Variants in FMNL3 observed in about 807,000 individuals in gnomAD.
The protein encoded by FMNL3 is formin like 3.
Under a neutral mutation model 119.6 loss-of-function variants are expected in FMNL3, and 57 were observed. That is an observed-to-expected ratio of 0.48 (90% confidence interval 0.39 to 0.59). The LOEUF (loss-of-function observed/expected upper bound fraction) is 0.59, where lower values mean the gene tolerates loss of function less well. Ranked by LOEUF, FMNL3 falls within the 20% of genes least tolerant of loss-of-function variation. The pLI, the probability that FMNL3 is intolerant of heterozygous loss-of-function variation, is 0.00. For missense variants in FMNL3, 1,053 were observed against 1,323.5 expected (o/e 0.80, Z 3.17); for synonymous variants, 491 against 507.3 (o/e 0.97, Z 0.43).
At position 49,647,269 on chromosome 12, in the gene FMNL3, C is replaced by CA; in HGVS notation, c.2871+6dup. On this transcript the variant is annotated splice_region_variant and intron_variant, in intron 24 of 25. Coordinates refer to ENST00000335154, the MANE Select transcript of FMNL3 (RefSeq NM_175736.5). The surrounding 1 kb of genome is among the most constrained non-coding windows in gnomAD (Gnocchi z 4.9). ...TCCTCCAGGCCCCAGCTCTTGGTCC[C>CA]ACCCACCTTGGCATCCAGTTTCTTG... 1 of 1,614,040 alleles carries CA rather than the reference C, an allele frequency of 6.2e-7. No homozygotes were observed. Among genetic ancestry groups the CA allele is most frequent in the Non-Finnish European group, 8.5e-7 (1 of 1,179,996 alleles).
In FMNL3 at chr12:49,638,635, T is replaced by C. The variant is rs781778251; in HGVS notation, c.*7180A>G. The C allele has an allele frequency of 6.6e-6, 1 of 152,276 alleles. No homozygotes were observed. The highest frequency in any genetic ancestry group is 1.5e-5 in the Non-Finnish European group (1 of 68,050). The allele number at this position is 152,276 out of a possible 1,614,324, so 9.4% of individuals were successfully genotyped here. On this transcript the variant is annotated 3_prime_UTR_variant, in exon 26 of 26. Coordinates refer to ENST00000335154, the MANE Select transcript of FMNL3 (RefSeq NM_175736.5). Reference sequence around the variant, plus strand: ...AAAAAACAAAGAGCATATTTCTTTATGGAAGTGAAGATTCTAATGCATTTG... The same window carrying C: ...AAAAAACAAAGAGCATATTTCTTTACGGAAGTGAAGATTCTAATGCATTTG...
chr12:49,686,510 G>A (rs985117425), intron 1 of FMNL3, among the ~76,000 whole-genome samples: 7 of 149,822 alleles, frequency 4.7e-5, no homozygotes, highest in African/African-American at 1.5e-4. Flanking sequence ...CTCGGGAGGC[G>A]GAGCTTGCAG....
chr12:49,654,883 G>C (rs748882742), intron 10 of FMNL3, 27 bp downstream of exon 10: 10 of 1,610,542 alleles, frequency 6.2e-6, no homozygotes. Flanking sequence ...TGGTGGGTAT[G>C]TGCTGGACCC....
intron 13 of FMNL3, 168 bp from the exon 14 acceptor site, chr12:49,652,380 G>T: frequency 7.4e-7 from 1 of 1,342,946 alleles, no homozygotes; most frequent in Non-Finnish European, 9.8e-7. Flanking sequence ...CTGGAAGGCA[G>T]CAAAACAAAA....
In FMNL3 at chr12:49,651,401, C is replaced by T. The variant is rs1020639397; in HGVS notation, c.1653G>A (p.Val551=). ...PPLPGAAPSV[V]LTVGLSAIRI... is the part of the protein sequence containing the mutation. ...ACTCACCTGACAGGCCCACTGTCAA[C>T]ACCACAGAGGGTGCAGCACCAGGGA... Residue 551 remains valine (V), a synonymous_variant, in exon 15 of 26, where the codon GTG becomes GTA. Transcript: ENST00000335154. 2.8e-5 allele frequency: 44 copies of T among 1,554,094 alleles called. No homozygotes were observed. Among genetic ancestry groups the T allele is most frequent in the Non-Finnish European group, 3.4e-5 (39 of 1,143,414 alleles).
At position 49,640,254 on chromosome 12, in the gene FMNL3, C is replaced by T. The variant is rs371241907; in HGVS notation, c.*5561G>A. On this transcript the variant is annotated 3_prime_UTR_variant, in exon 26 of 26. Coordinates refer to ENST00000335154, the MANE Select transcript of FMNL3 (RefSeq NM_175736.5). ...AGGATGCTCATGAGAAATATATTCT[C>T]TTGAGATCTGTTGAATTTTAAGTGT... 1 of 152,210 alleles carries T rather than the reference C, an allele frequency of 6.6e-6. No individual in the cohort carries two copies. Among genetic ancestry groups the T allele is most frequent in the Non-Finnish European group, 1.5e-5 (1 of 68,048 alleles). 9.4% of individuals were successfully genotyped at this position (152,210 alleles called of 1,614,324 possible). A position where few individuals can be genotyped will look rare whatever the true frequency, so the allele number is the denominator to read the frequency against.
At chr12:49,706,739 A>G (rs910412588) in intron 1 of FMNL3, among the ~76,000 whole-genome samples, 2 of 152,198 alleles carry the variant, frequency 1.3e-5, no homozygotes, top group Non-Finnish European at 2.9e-5. Context: ...AGCCTGGCGA[A>G]GAAGCGGGGA....
chr12:49,649,128 T>A lies in FMNL3; in HGVS notation c.2416A>T (p.Met806Leu), dbSNP rs1266097588. The A allele has an allele frequency of 6.2e-7, 1 of 1,613,554 alleles. No individual in the cohort carries two copies. The highest frequency in any genetic ancestry group is 1.3e-5 in the African/African-American group (1 of 74,904). The change falls in exon 21 of 26, where the codon ATG (methionine) becomes TTG (leucine). Residue 806 changes from methionine (M) to leucine (L), a missense_variant. Coordinates refer to ENST00000335154, the MANE Select transcript of FMNL3 (RefSeq NM_175736.5). The surrounding 1 kb of genome is among the most constrained non-coding windows in gnomAD (Gnocchi z 5.6). ...AAGGCGATGAAATGAAGCAGTGTCA[T>A]CTTCCGGTCAGTGGACTTGGTATCC... is the stretch of plus-strand genomic sequence containing the variant. ...LLDTKSTDRK[M>L]TLLHFIALTV... is the part of the protein sequence containing the mutation.
chr12:49,666,003 AC>A, intron 3 of FMNL3, 95 bp from the exon 4 acceptor site: 1 of 1,547,732 alleles, frequency 6.5e-7, no homozygotes, highest in Non-Finnish European at 8.9e-7. Flanking sequence ...TGGCCACAGA[AC>A]CCTGAAATCC....
Position 49,647,658 on chromosome 12 carries a change from A to C in FMNL3, c.2778+45T>G. 6.4e-7 allele frequency: 1 copy of C among 1,550,820 alleles called. No homozygotes were observed. Among genetic ancestry groups the C allele is most frequent in the Non-Finnish European group, 8.9e-7 (1 of 1,123,366 alleles). ...AAGCCCAGGCTTCTCTCCCCCAGCC[A>C]GTTTTCTCGCAACCAAACTTCTTAA... On this transcript the variant is annotated intron_variant, in intron 23 of 25. Coordinates refer to ENST00000335154, the MANE Select transcript of FMNL3 (RefSeq NM_175736.5). This position sits in a 1 kb window ranked among gnomAD's most constrained non-coding sequence, Gnocchi z 4.9.
At position 49,647,101 on chromosome 12, in the gene FMNL3, C is replaced by A. The variant is rs1592636415; in HGVS notation, c.2872-92G>T. The A allele has an allele frequency of 3.2e-5, 51 of 1,590,590 alleles. No homozygotes were observed. The East Asian group carries it at 1.0e-3, about 31-fold the overall frequency. On this transcript the variant is annotated intron_variant, in intron 24 of 25. Coordinates refer to ENST00000335154, the MANE Select transcript of FMNL3 (RefSeq NM_175736.5). The surrounding 1 kb of genome is among the most constrained non-coding windows in gnomAD (Gnocchi z 4.9). ...AAGGTGCAGTCTGAGGATGCCACTGCTTGTGCACTGCTAGGAATCCCCAAA... is the reference window on the plus strand; with the variant it reads ...AAGGTGCAGTCTGAGGATGCCACTGATTGTGCACTGCTAGGAATCCCCAAA...
In FMNL3 at chr12:49,638,051, G is replaced by A; in HGVS notation, c.*7764C>T. 1.9e-6 allele frequency: 1 copy of A among 518,402 alleles called. No individual in the cohort carries two copies. Among genetic ancestry groups the A allele is most frequent in the Non-Finnish European group, 3.4e-6 (1 of 291,116 alleles). 32.1% of individuals were successfully genotyped at this position (518,402 alleles called of 1,614,324 possible). Reference sequence around the variant, plus strand: ...ATACATGAGAACTGTTATACAAAGGGGCAAGTGTTATTACAGAGACAGGAA... The same window carrying A: ...ATACATGAGAACTGTTATACAAAGGAGCAAGTGTTATTACAGAGACAGGAA... On this transcript the variant is annotated 3_prime_UTR_variant, in exon 26 of 26. Coordinates refer to ENST00000335154, the MANE Select transcript of FMNL3 (RefSeq NM_175736.5).
At chr12:49,698,266 A>G (rs1384251024) in intron 1 of FMNL3, among the ~76,000 whole-genome samples, 1 of 152,154 alleles carries the variant, frequency 6.6e-6, no homozygotes. Context: ...AGTTTTGGCC[A>G]TAACTCTGGG....
At position 49,641,970 on chromosome 12, in the gene FMNL3, T is replaced by C. The variant is rs1329264821; in HGVS notation, c.*3845A>G. 6.2e-7 allele frequency: 1 copy of C among 1,613,916 alleles called. No individual in the cohort carries two copies. Among genetic ancestry groups the C allele is most frequent in the East Asian group, 2.2e-5 (1 of 44,886 alleles). On this transcript the variant is annotated 3_prime_UTR_variant, in exon 26 of 26. Transcript: ENST00000335154. ...AGGACTTCGCCCACGTCATAAGCTT[T>C]GACAAGAGGGCTGCCGCACTGGACG... is the stretch of plus-strand genomic sequence containing the variant.
chr12:49,661,898 A>T, intron 5 of FMNL3, 68 bp downstream of exon 5: 1 of 1,414,284 alleles, frequency 7.1e-7, no homozygotes, highest in Non-Finnish European at 1.0e-6. Flanking sequence ...ACCCTTCCTT[A>T]TCAAAGTAGA....
At chr12:49,669,363 T>A (rs1017372639) in intron 1 of FMNL3, among the ~76,000 whole-genome samples, 1 of 152,232 alleles carries the variant, frequency 6.6e-6, no homozygotes, top group Non-Finnish European at 1.5e-5. Flanking sequence ...TGTTCACCAC[T>A]GTTTGGTGAC....
chr12:49,637,672 C>A lies in FMNL3; in HGVS notation c.*8143G>T. On this transcript the variant is annotated 3_prime_UTR_variant, in exon 26 of 26. Transcript: ENST00000335154. ...CCCTACTACCGGCTCCTGTCCTCGG[C>A]CCAGCCCCCAGGCCTTGGGAAGCTG... 1 of 1,524,284 alleles carries A rather than the reference C, an allele frequency of 6.6e-7. No individual in the cohort carries two copies. Among genetic ancestry groups the A allele is most frequent in the Non-Finnish European group, 9.0e-7 (1 of 1,113,534 alleles). 94.4% of individuals were successfully genotyped at this position (1,524,284 alleles called of 1,614,324 possible). A position where few individuals can be genotyped will look rare whatever the true frequency, so the allele number is the denominator to read the frequency against.
At chr12:49,651,105 C>T (rs966967541) in intron 16 of FMNL3, 63 bp downstream of exon 16, 22 of 1,590,454 alleles carry the variant, frequency 1.4e-5, no homozygotes, top group Non-Finnish European at 1.7e-5. Flanking sequence ...ACCAGAATCT[C>T]CTCAAAAGGC....
Position 49,647,217 on chromosome 12 carries a change from C to A in FMNL3, c.2871+59G>T. The A allele has an allele frequency of 6.2e-7, 1 of 1,601,518 alleles. No homozygotes were observed. Among genetic ancestry groups the A allele is most frequent in the Non-Finnish European group, 8.6e-7 (1 of 1,169,266 alleles). ...TTTCATCTCCTCTAGCCTTCTGACC[C>A]CCAGCCCCCACTCTTTTGCCTTGTC... On this transcript the variant is annotated intron_variant, in intron 24 of 25. Coordinates refer to ENST00000335154, the MANE Select transcript of FMNL3 (RefSeq NM_175736.5). The surrounding 1 kb of genome is among the most constrained non-coding windows in gnomAD (Gnocchi z 4.9).
Sources: gnomAD v4.1 joint callset for allele counts (sites outside exome capture counted in the v4.1 genomes callset) on GRCh38, gnomAD v4.1.1 for gene constraint, Gnocchi (gnomAD v3.1) non-coding constraint, MANE v1.5 for transcripts, NCBI Gene and HGNC (gene_info 2026-07-23, HGNC 2026-07-21) for gene names.